G6PC3: variants seen among roughly 807,000 people sequenced by gnomAD.
The protein encoded by G6PC3 is glucose-6-phosphatase 3.
Under a neutral mutation model 38.6 loss-of-function variants are expected in G6PC3, and 30 were observed. That is an observed-to-expected ratio of 0.78 (90% CI 0.58 to 1.05). The LOEUF (loss-of-function observed/expected upper bound fraction) is 1.05. G6PC3 is among the 50% of genes least tolerant of loss of function. The pLI is 0.00. For missense variants in G6PC3, 377 were observed against 443.1 expected, an observed-to-expected ratio of 0.85 and a Z score of 1.34; for synonymous variants, 192 against 178.1, an observed-to-expected ratio of 1.08 and a Z score of -0.62.
At position 44,071,197 on chromosome 17, in the gene G6PC3, G is replaced by T. The variant is rs777135332; in HGVS notation, c.218+14G>T. On this transcript the variant is annotated intron_variant, in intron 1 of 5. Coordinates refer to ENST00000269097, the MANE Select transcript of G6PC3 (RefSeq NM_138387.4). Reference sequence around the variant, plus strand: ...CATCTTCAAGTGGTGAGACAGAGAAGCCCTCCGGCATCCTGGTCCCCACCC... The same window carrying T: ...CATCTTCAAGTGGTGAGACAGAGAATCCCTCCGGCATCCTGGTCCCCACCC... 1.9e-6 allele frequency: 3 copies of T among 1,610,312 alleles called. No individual in the cohort carries two copies. Among genetic ancestry groups the T allele is most frequent in the Non-Finnish European group, 2.5e-6 (3 of 1,179,036 alleles).
chr17:44,071,352 TCA>T (rs1217257548), intron 1 of G6PC3, 169 bp downstream of exon 1: 1 of 1,144,570 alleles, frequency 8.7e-7, no homozygotes, highest in South Asian at 1.5e-5. Flanking sequence ...GACTCAAACC[TCA>T]GAGTCCAACC....
Position 44,071,013 on chromosome 17 carries a change from G to A in G6PC3, c.48G>A (p.Gln16=). Residue 16 remains glutamine, a synonymous_variant, in exon 1 of 6, where the codon CAG becomes CAA. Transcript: ENST00000269097. ...GAGIVIAEAL[Q]NQLAWLENVW... ...GCATCGTGATAGCCGAGGCGCTACA[G>A]AACCAGCTAGCCTGGCTGGAGAACG... 6.4e-7 allele frequency: 1 copy of A among 1,573,172 alleles called. No homozygotes were observed. The highest frequency in any genetic ancestry group is 8.6e-7 in the Non-Finnish European group (1 of 1,158,172).
At chr17:44,071,786 A>C (rs893544694) in intron 1 of G6PC3, 4 of 503,262 alleles carry the variant, frequency 7.9e-6, no homozygotes, top group Middle Eastern at 6.5e-4. Flanking sequence ...ACTGAATCAA[A>C]ATCTGCATTT....
At chr17:44,074,824 C>A in intron 3 of G6PC3, 54 bp downstream of exon 3, 1 of 1,543,854 alleles carries the variant, frequency 6.5e-7, no homozygotes, top group South Asian at 1.1e-5. Flanking sequence ...CACCCTGTAC[C>A]TAATAGACAC....
At chr17:44,074,839 G>A (rs986059318) in intron 3 of G6PC3, 69 bp downstream of exon 3, 10 of 1,516,922 alleles carry the variant, frequency 6.6e-6, no homozygotes, top group African/African-American at 1.4e-5. Flanking sequence ...AGACACAGCA[G>A]CATGGCAGCC....
In G6PC3 at chr17:44,071,551, G is replaced by A. The variant is rs192528480; in HGVS notation, c.218+368G>A. 1,078 of 715,754 alleles carry A rather than the reference G, an allele frequency of 1.5e-3. 11 individuals are homozygous for A. In the African/African-American group the frequency reaches 0.019, roughly 13 times the overall value. The allele number at this position is 715,754 out of a possible 1,614,324, so 44.3% of individuals were successfully genotyped here. A position where few individuals can be genotyped will look rare whatever the true frequency, so the allele number is the denominator to read the frequency against. On this transcript the variant is annotated intron_variant, in intron 1 of 5. Coordinates refer to ENST00000269097, the MANE Select transcript of G6PC3 (RefSeq NM_138387.4). ...GAATTCATATTTTAACAAATATGGT[G>A]ATTTAAGTAGTGGAGAGTCCTACCT...
At chr17:44,074,657 C>T (rs764694929) in intron 2 of G6PC3, 23 bp from the exon 3 acceptor site, 27 of 1,611,146 alleles carry the variant, frequency 1.7e-5, no homozygotes, top group Admixed American at 3.3e-5. Flanking sequence ...CTTCTCACCA[C>T]GAGCTTCTGG....
chr17:44,076,077 C>T lies in G6PC3; in HGVS notation c.*34C>T. The T allele has an allele frequency of 3.7e-6, 6 of 1,609,398 alleles. No homozygotes were observed. In the South Asian group the frequency reaches 4.4e-5, roughly 12 times the overall value. ...GTGCCTCCCTTTCCTTTCCCTCCCACAAAGCCAACACTCTGTGACCACCAC... is the reference window on the plus strand; with the variant it reads ...GTGCCTCCCTTTCCTTTCCCTCCCATAAAGCCAACACTCTGTGACCACCAC... On this transcript the variant is annotated 3_prime_UTR_variant, in exon 6 of 6. Coordinates refer to ENST00000269097, the MANE Select transcript of G6PC3 (RefSeq NM_138387.4).
rs781353168 is a variant in G6PC3, at chr17:44,074,989, C to G, written c.437C>G (p.Pro146Arg). ...RARSRWVRVM[P>R]SLAYCTFLLA... The stretch of plus-strand genomic sequence containing the variant: ...TCTAGCCGCTGGGTAAGGGTGATGC[C>G]TAGCCTGGCTTATTGCACCTTCCTT... The change falls in exon 4 of 6, where the codon CCT becomes CGT. Residue 146 changes from proline (P) to arginine (R), a missense_variant. Pro to Arg is a moderately radical substitution (Grantham distance 103). Coordinates refer to ENST00000269097, the MANE Select transcript of G6PC3 (RefSeq NM_138387.4). 1.2e-6 allele frequency: 2 copies of G among 1,614,164 alleles called. No homozygotes were observed. Among genetic ancestry groups the G allele is most frequent in the Non-Finnish European group, 1.7e-6 (2 of 1,180,002 alleles).
intron 1 of G6PC3, chr17:44,073,709 G>A (rs1179647263): frequency 6.2e-5 from 12 of 193,764 alleles, no homozygotes; most frequent in African/African-American, 1.2e-4. Flanking sequence ...TGATCTGCCC[G>A]CCCAGCCTCC....
At position 44,071,190 on chromosome 17, in the gene G6PC3, C is replaced by G. The variant is rs1184639185; in HGVS notation, c.218+7C>G. The G allele has an allele frequency of 1.9e-6, 3 of 1,611,714 alleles. No homozygotes were observed. Among genetic ancestry groups the G allele is most frequent in the Non-Finnish European group, 2.5e-6 (3 of 1,179,528 alleles). On this transcript the variant is annotated splice_region_variant and intron_variant, in intron 1 of 5. Coordinates refer to ENST00000269097, the MANE Select transcript of G6PC3 (RefSeq NM_138387.4). ...TCAACCTCATCTTCAAGTGGTGAGA[C>G]AGAGAAGCCCTCCGGCATCCTGGTC...
chr17:44,075,992 G>T lies in G6PC3; in HGVS notation c.990G>T (p.Trp330Cys). ...WPCLVLALVPWAVHMFSAQEA... is the reference protein window; with the variant it reads ...WPCLVLALVPCAVHMFSAQEA... Reference sequence around the variant, plus strand: ...GCCTAGTCCTGGCCCTCGTGCCCTGGGCAGTGCACATGTTCAGTGCCCAGG... The same window carrying T: ...GCCTAGTCCTGGCCCTCGTGCCCTGTGCAGTGCACATGTTCAGTGCCCAGG... Residue 330 changes from tryptophan (W) to cysteine (C), a missense_variant, in exon 6 of 6, where the codon TGG (tryptophan) becomes TGT (cysteine). Trp to Cys is a radical substitution (Grantham distance 215). Coordinates refer to ENST00000269097, the MANE Select transcript of G6PC3 (RefSeq NM_138387.4). 6.2e-7 allele frequency: 1 copy of T among 1,613,170 alleles called. No homozygotes were observed.
At chr17:44,074,084 C>T in intron 1 of G6PC3, 76 bp from the exon 2 acceptor site, 2 of 986,654 alleles carry the variant, frequency 2.0e-6, no homozygotes, top group Non-Finnish European at 3.3e-6. Flanking sequence ...CCAGAGTACT[C>T]TGTGTCCTGC....
At chr17:44,071,290 C>G (rs1024194130) in intron 1 of G6PC3, 107 bp downstream of exon 1, 27 of 1,524,918 alleles carry the variant, frequency 1.8e-5, no homozygotes, top group Non-Finnish European at 2.4e-5. Flanking sequence ...CTTCCCACCC[C>G]TACTCTGTAG....
Position 44,070,940 on chromosome 17 carries a change from G to C in G6PC3, c.-26G>C, listed in dbSNP as rs759313249. On this transcript the variant is annotated 5_prime_UTR_variant, in exon 1 of 6. Coordinates refer to ENST00000269097, the MANE Select transcript of G6PC3 (RefSeq NM_138387.4). ...TCTGGTTTCCGCCCTGGAGCAAGCC[G>C]GGGCCTGGTCGGCAGCTGGGCCGCC... The C allele has an allele frequency of 1.9e-6, 3 of 1,547,370 alleles. No individual in the cohort carries two copies. The highest frequency in any genetic ancestry group is 2.4e-5 in the South Asian group (2 of 84,002).
chr17:44,072,283 A>G (rs1257827195), intron 1 of G6PC3: 1 of 150,346 alleles, frequency 6.7e-6, no homozygotes, highest in Non-Finnish European at 1.5e-5. Context: ...GACACTATTA[A>G]TGTCCCCCAA....
At chr17:44,071,626 A>G (rs1017443949) in intron 1 of G6PC3, 7 of 1,272,182 alleles carry the variant, frequency 5.5e-6, no homozygotes, top group Non-Finnish European at 7.2e-6. Flanking sequence ...ATAATTTTTC[A>G]GAAGCATGCT....
chr17:44,070,798 A>C lies in G6PC3; in HGVS notation c.-168A>C. On this transcript the variant is annotated 5_prime_UTR_variant, in exon 1 of 6. Transcript: ENST00000269097. ...AGTACCGGCTGGAGGCCGGTCTTGCAGGAGCGGGGGACTGCTGGGGGCGGG... is the reference window on the plus strand; with the variant it reads ...AGTACCGGCTGGAGGCCGGTCTTGCCGGAGCGGGGGACTGCTGGGGGCGGG... 1 of 733,992 alleles carries C rather than the reference A, an allele frequency of 1.4e-6. No individual in the cohort carries two copies. The highest frequency in any genetic ancestry group is 2.1e-5 in the Admixed American group (1 of 48,392). 45.5% of individuals were successfully genotyped at this position (733,992 alleles called of 1,614,324 possible). A position where few individuals can be genotyped will look rare whatever the true frequency, so the allele number is the denominator to read the frequency against.
In G6PC3 at chr17:44,075,310, G is replaced by T; in HGVS notation, c.536G>T (p.Gly179Val). 1 of 1,614,126 alleles carries T rather than the reference G, an allele frequency of 6.2e-7. No individual in the cohort carries two copies. The highest frequency in any genetic ancestry group is 8.5e-7 in the Non-Finnish European group (1 of 1,180,038). The change falls in exon 5 of 6, where the codon GGC (glycine) becomes GTC (valine). Residue 179 changes from glycine to valine, a missense_variant and splice_region_variant. Physicochemically the swap from Gly to Val is moderately radical, Grantham distance 109. Transcript: ENST00000269097. ...AGCTGTTGTCACTCCACTCTCCTAGGCGCTGTCCTGGGCTGGCTGATGACT... is the reference window on the plus strand; with the variant it reads ...AGCTGTTGTCACTCCACTCTCCTAGTCGCTGTCCTGGGCTGGCTGATGACT... ...PHQVLAGLIT[G>V]AVLGWLMTPR...
Sources: allele counts gnomAD v4.1 joint callset, GRCh38; gene constraint gnomAD v4.1.1; transcripts MANE v1.5; gene names NCBI Gene and HGNC (gene_info 2026-07-23, HGNC 2026-07-21).